The following SPIN1 variants were observed in gnomAD, a reference collection of about 807,000 sequenced individuals.
SPIN1 encodes spindlin-1.
Under a neutral mutation model 26.0 loss-of-function variants are expected in SPIN1, and 3 were observed. The ratio of observed to expected loss-of-function variants is 0.12; its 90% CI spans 0.05 to 0.30. The LOEUF (loss-of-function observed/expected upper bound fraction) is 0.30, where lower values mean the gene tolerates loss of function less well. Among genes scored for constraint, SPIN1 ranks in the 10% least tolerant of loss-of-function variants. The probability of loss-of-function intolerance (pLI) is 1.00; values close to 1 mark genes in which losing one functional copy is unlikely to be tolerated. For missense variants in SPIN1, 126 were observed against 333.4 expected (o/e 0.38, Z 4.84); for synonymous variants, 101 against 116.5 (o/e 0.87, Z 0.86).
chr9:88,435,242 A>T (rs1245582763), intron 2 of SPIN1, among the ~76,000 whole-genome samples: 5 of 146,610 alleles, frequency 3.4e-5, no homozygotes, highest in Non-Finnish European at 6.0e-5. Context: ...TGGAGATGGG[A>T]TCTCACTCCG....
chr9:88,408,253 C>A (rs1827351688), intron 1 of SPIN1, among the ~76,000 whole-genome samples: 1 of 144,010 alleles, frequency 6.9e-6, no homozygotes, highest in South Asian at 2.4e-4. Flanking sequence ...TCTGCTATCC[C>A]CCCTTTACCC....
intron 3 of SPIN1, 63 bp from the exon 4 acceptor site, chr9:88,462,433 T>C: frequency 1.3e-5 from 21 of 1,565,864 alleles, no homozygotes; most frequent in Non-Finnish European, 1.8e-5. Context: ...CCAGCGGTTA[T>C]GTTAGATCTA....
At chr9:88,433,610 T>C (rs1827930674) in intron 2 of SPIN1, among the ~76,000 whole-genome samples, 1 of 152,214 alleles carries the variant, frequency 6.6e-6, no homozygotes, top group East Asian at 1.9e-4. Flanking sequence ...ATGTTTTCTT[T>C]GGAGATGGAT....
At chr9:88,418,361 G>A (rs893766080) in intron 1 of SPIN1, among the ~76,000 whole-genome samples, 1 of 152,198 alleles carries the variant, frequency 6.6e-6, no homozygotes, top group African/African-American at 2.4e-5. Context: ...ATTTCTTCAC[G>A]TTTAACCTTG....
intron 1 of SPIN1, among the ~76,000 whole-genome samples, chr9:88,401,921 A>C (rs79312819): frequency 2.0e-5 from 3 of 152,300 alleles, no homozygotes; most frequent in African/African-American, 7.2e-5. Flanking sequence ...GATGCATATG[A>C]ATACTTGTTG....
rs769628679 is a variant in SPIN1, at chr9:88,462,750, G to GTAAGTTCTTTT, written c.355+4_355+14dup. ...CTTGAAGTCCTCCCTGATAGAGTTG[G>GTAAGTTCTTTT]TAAGTTCTTTTTATAATTTGTGCAT... On this transcript the variant is annotated splice_donor_variant, in intron 4 of 5. Transcript: ENST00000375859. LOFTEE classifies it high-confidence loss of function. 2.5e-6 allele frequency: 4 copies of GTAAGTTCTTTT among 1,597,930 alleles called. No homozygotes were observed. Among genetic ancestry groups the GTAAGTTCTTTT allele is most frequent in the Non-Finnish European group, 2.6e-6 (3 of 1,173,072 alleles).
chr9:88,445,946 A>G (rs1404422892), intron 2 of SPIN1, among the ~76,000 whole-genome samples: 2 of 152,104 alleles, frequency 1.3e-5, no homozygotes, highest in African/African-American at 4.8e-5. Context: ...CAACTAAGTA[A>G]GGTTGGTTGT....
intron 1 of SPIN1, among the ~76,000 whole-genome samples, chr9:88,424,602 C>T (rs1482398796): frequency 6.6e-6 from 1 of 152,168 alleles, no homozygotes; most frequent in Non-Finnish European, 1.5e-5. Context: ...TAAAGCTGTA[C>T]ATTGATACTG....
At position 88,475,445 on chromosome 9, in the gene SPIN1, C is replaced by T; in HGVS notation, c.*168C>T. The T allele has an allele frequency of 1.8e-6, 1 of 567,142 alleles. No homozygotes were observed. The highest frequency in any genetic ancestry group is 3.7e-5 in the Admixed American group (1 of 27,108). 35.1% of individuals were successfully genotyped at this position (567,142 alleles called of 1,614,324 possible). A position where few individuals can be genotyped will look rare whatever the true frequency, so the allele number is the denominator to read the frequency against. On this transcript the variant is annotated 3_prime_UTR_variant, in exon 6 of 6. Transcript: ENST00000375859. ...TGAATAGTACAGATTGATGTGAACA[C>T]AAAGCATTTTGTGTAAGGAGAACCC... is the stretch of plus-strand genomic sequence containing the variant.
Position 88,451,878 on chromosome 9 carries a change from G to T in SPIN1, c.101+2889G>T, listed in dbSNP as rs113707173. 7.8e-4 allele frequency among the ~76,000 whole-genome samples: 118 copies of T among 152,246 alleles called. 1 individual carries two copies. The highest frequency in any genetic ancestry group is 2.8e-3 in the African/African-American group (115 of 41,558). ...GCCCAGCCTAAAAGTACATCTTGGA[G>T]GGAAAATATAGTTGGGGGAGTGTCT... On this transcript the variant is annotated intron_variant, in intron 3 of 5. Transcript: ENST00000375859.
intron 1 of SPIN1, among the ~76,000 whole-genome samples, chr9:88,412,133 C>T (rs532416539): frequency 6.6e-6 from 1 of 151,980 alleles, no homozygotes; most frequent in Non-Finnish European, 1.5e-5. Context: ...GAGCCGAGAT[C>T]ATGCCACTGC....
chr9:88,439,499 G>A (rs1164501585), intron 2 of SPIN1, among the ~76,000 whole-genome samples: 3 of 152,096 alleles, frequency 2.0e-5, no homozygotes, highest in African/African-American at 4.8e-5. Context: ...TTAAACTTGG[G>A]TCCCATTCCC....
chr9:88,413,066 T>C (rs959517697), intron 1 of SPIN1, among the ~76,000 whole-genome samples: 1 of 80,152 alleles, frequency 1.2e-5, no homozygotes, highest in Non-Finnish European at 2.1e-5. Flanking sequence ...TAAAATTAAG[T>C]TTTTTTTTTT....
At chr9:88,442,213 G>C (rs987723349) in intron 2 of SPIN1, among the ~76,000 whole-genome samples, 3 of 151,710 alleles carry the variant, frequency 2.0e-5, no homozygotes, top group Non-Finnish European at 4.4e-5. Flanking sequence ...TGTGAGAAAG[G>C]CTTTTATTTC....
At chr9:88,469,983 C>T (rs1489212386) in intron 5 of SPIN1, among the ~76,000 whole-genome samples, 1 of 152,004 alleles carries the variant, frequency 6.6e-6, no homozygotes, top group Non-Finnish European at 1.5e-5. Flanking sequence ...GTCCTTTATT[C>T]TTCGAACCCC....
At chr9:88,436,417 A>AGCACACCTT (rs948375494) in intron 2 of SPIN1, among the ~76,000 whole-genome samples, 1 of 152,138 alleles carries the variant, frequency 6.6e-6, no homozygotes, top group African/African-American at 2.4e-5. Flanking sequence ...TCCCTCACAA[A>AGCACACCTT]TGTGCAGCAC....
chr9:88,411,521 C>T, intron 1 of SPIN1: 1 of 680,998 alleles, frequency 1.5e-6, no homozygotes, highest in Non-Finnish European at 2.5e-6. Flanking sequence ...GGGCAGAAAG[C>T]TTTTTTTTTG....
At chr9:88,449,194 C>G (rs1828310318) in intron 3 of SPIN1, among the ~76,000 whole-genome samples, 1 of 151,838 alleles carries the variant, frequency 6.6e-6, no homozygotes, top group Non-Finnish European at 1.5e-5. Context: ...CCAGGTCTAC[C>G]CTTCAGCCTT....
intron 5 of SPIN1, among the ~76,000 whole-genome samples, chr9:88,469,827 A>G (rs7854125): frequency 0.24 from 35,921 of 152,130 alleles, 6,619 homozygotes; most frequent in African/African-American, 0.51. Flanking sequence ...AGCCATTACG[A>G]CCATGTTAGT....
Sources: gnomAD v4.1 joint callset for allele counts (sites outside exome capture counted in the v4.1 genomes callset) on GRCh38, gnomAD v4.1.1 for gene constraint, MANE v1.5 for transcripts, NCBI Gene and HGNC (gene_info 2026-07-23, HGNC 2026-07-21) for gene names.